The following NBAS variants were observed in gnomAD, a reference collection of about 807,000 sequenced individuals.
The protein encoded by NBAS is NBAS subunit of NRZ tethering complex.
Under a neutral mutation model 302.5 loss-of-function variants are expected in NBAS, and 219 were observed. That is an observed-to-expected ratio of 0.72 (90% CI 0.65 to 0.81). The LOEUF (loss-of-function observed/expected upper bound fraction) is 0.81, where lower values mean the gene tolerates loss of function less well. Ranked by LOEUF, NBAS falls within the 30% of genes least tolerant of loss-of-function variation. NBAS has a pLI of 0.00. For missense variants in NBAS, 2,932 were observed against 2,841.6 expected (o/e 1.03, Z -0.72); for synonymous variants, 1,118 against 1,021.6 (o/e 1.09, Z -1.80).
At chr2:14,913,230 G>A in the NBAS span, among the ~76,000 whole-genome samples, 1 of 152,170 alleles carries the variant, frequency 6.6e-6, no homozygotes, top group Admixed American at 6.5e-5. Flanking sequence ...AAAAGAGAAG[G>A]ACAGATAAAC....
the NBAS span, among the ~76,000 whole-genome samples, chr2:14,894,348 G>T: frequency 6.6e-6 from 1 of 152,004 alleles, no homozygotes; most frequent in South Asian, 2.1e-4. Flanking sequence ...CAGGAGTACA[G>T]GGGGGCACCA....
chr2:15,150,457 C>T, the NBAS span, among the ~76,000 whole-genome samples: 26 of 152,210 alleles, frequency 1.7e-4, no homozygotes, highest in East Asian at 5.0e-3. Flanking sequence ...CTATGATAGC[C>T]TATTTAATAA....
At chr2:15,522,251 G>A (rs1224267946) in intron 9 of NBAS, among the ~76,000 whole-genome samples, 4 of 152,186 alleles carry the variant, frequency 2.6e-5, no homozygotes, top group Non-Finnish European at 4.4e-5. Flanking sequence ...ATGAGGGTCT[G>A]AAGTATAAGG....
chr2:15,072,508 C>G, the NBAS span, among the ~76,000 whole-genome samples: 2 of 152,030 alleles, frequency 1.3e-5, no homozygotes, highest in East Asian at 3.8e-4. Flanking sequence ...AAAATTTTAT[C>G]TAGTCAAATC....
chr2:15,389,632 C>T (rs1675489659), intron 28 of NBAS, among the ~76,000 whole-genome samples: 1 of 152,134 alleles, frequency 6.6e-6, no homozygotes, highest in South Asian at 2.1e-4. Context: ...AAGGGATGTT[C>T]ACATTCAGAA....
At chr2:15,445,726 T>A (rs537079421) in intron 21 of NBAS, among the ~76,000 whole-genome samples, 2 of 152,094 alleles carry the variant, frequency 1.3e-5, no homozygotes, top group Non-Finnish European at 2.9e-5. Context: ...GTAAAATTCT[T>A]AATGTCTGTT....
At chr2:15,457,582 C>T (rs938343281) in intron 21 of NBAS, among the ~76,000 whole-genome samples, 2 of 152,202 alleles carry the variant, frequency 1.3e-5, no homozygotes, top group Non-Finnish European at 2.9e-5. Context: ...GCTACTGCTT[C>T]GTAAAGCATC....
At chr2:15,475,519 T>G (rs1680149859) in intron 14 of NBAS, among the ~76,000 whole-genome samples, 168 bp downstream of exon 14, 1 of 152,178 alleles carries the variant, frequency 6.6e-6, no homozygotes, top group Non-Finnish European at 1.5e-5. Context: ...ATTGCAAATT[T>G]TTTTATTCAC....
chr2:15,020,704 C>T, the NBAS span, among the ~76,000 whole-genome samples: 1 of 152,184 alleles, frequency 6.6e-6, no homozygotes, highest in Non-Finnish European at 1.5e-5. Flanking sequence ...GTCCTCACAG[C>T]TAAGATATGA....
At chr2:15,020,992 T>G in the NBAS span, among the ~76,000 whole-genome samples, 1 of 152,090 alleles carries the variant, frequency 6.6e-6, no homozygotes, top group Non-Finnish European at 1.5e-5. Context: ...AGCACTTTGG[T>G]AGGCCGAGGC....
the NBAS span, among the ~76,000 whole-genome samples, chr2:14,912,960 G>GA: frequency 6.6e-6 from 1 of 152,150 alleles, no homozygotes; most frequent in African/African-American, 2.4e-5. Flanking sequence ...TCTTAAAATA[G>GA]AAAGTTTCTT....
At chr2:15,508,638 T>A (rs1412139619) in intron 10 of NBAS, among the ~76,000 whole-genome samples, 2 of 98,452 alleles carry the variant, frequency 2.0e-5, no homozygotes, top group Non-Finnish European at 4.6e-5. Context: ...TTGCTTTATC[T>A]CTATGTGTGT....
chr2:15,417,449 TG>T, intron 24 of NBAS, 77 bp downstream of exon 24: 2 of 1,231,400 alleles, frequency 1.6e-6, no homozygotes, highest in African/African-American at 3.0e-5. Flanking sequence ...ATTTCATCTT[TG>T]GTTTGAGACA....
the NBAS span, among the ~76,000 whole-genome samples, chr2:14,834,330 T>G: frequency 6.6e-6 from 1 of 152,294 alleles, no homozygotes; most frequent in South Asian, 2.1e-4. Flanking sequence ...TATAATGCTG[T>G]GTAACACATC....
At position 15,549,060 on chromosome 2, in the gene NBAS, T is replaced by C. The variant is rs142589766; in HGVS notation, c.379+2433A>G. 5.1e-3 allele frequency among the ~76,000 whole-genome samples: 779 copies of C among 152,292 alleles called. 3 individuals are homozygous for C. The highest frequency in any genetic ancestry group is 0.017 in the African/African-American group (692 of 41,574). On this transcript the variant is annotated intron_variant, in intron 6 of 51. Transcript: ENST00000281513. ...ATTATAGTAACAGTAATTATAACAA[T>C]AGCTTAACATCTCCTAAGTATTCAT...
intron 50 of NBAS, among the ~76,000 whole-genome samples, 185 bp downstream of exon 50, chr2:15,186,557 G>A (rs953948984): frequency 2.6e-5 from 4 of 152,114 alleles, no homozygotes; most frequent in African/African-American, 9.7e-5. Flanking sequence ...CCCACAAAAA[G>A]AAAGCAGCCT....
chr2:15,110,668 C>A, the NBAS span, among the ~76,000 whole-genome samples: 1 of 152,062 alleles, frequency 6.6e-6, no homozygotes, highest in African/African-American at 2.4e-5. Flanking sequence ...GGGTACTTCT[C>A]TGGGGAATGT....
At chr2:15,154,813 T>TG in the NBAS span, among the ~76,000 whole-genome samples, 1 of 152,054 alleles carries the variant, frequency 6.6e-6, no homozygotes. Flanking sequence ...GACGTGAGGC[T>TG]ATAGGTGAGT....
the NBAS span, among the ~76,000 whole-genome samples, chr2:14,972,851 C>T: frequency 2.3e-3 from 350 of 152,320 alleles, no homozygotes; most frequent in African/African-American, 8.0e-3. Flanking sequence ...CTTAAGCCCT[C>T]GGCTGTCTCC....
Sources: gnomAD v4.1 joint callset for allele counts (sites outside exome capture counted in the v4.1 genomes callset) on GRCh38, gnomAD v4.1.1 for gene constraint, MANE v1.5 for transcripts, NCBI Gene and HGNC (gene_info 2026-07-23, HGNC 2026-07-21) for gene names.